The following LINGO2 variants were observed in gnomAD, a reference collection of about 807,000 sequenced individuals.
The protein encoded by LINGO2 is leucine rich repeat and Ig domain containing 2, also known as leucine-rich repeat and immunoglobulin-like domain-containing nogo receptor-interacting protein 2.
A neutral mutation model predicts 30.6 loss-of-function variants in LINGO2; 14 were observed. That is an observed-to-expected ratio of 0.46 (90% CI 0.30 to 0.72). LINGO2 has a LOEUF of 0.72. Ranked by LOEUF, LINGO2 falls within the 30% of genes least tolerant of loss-of-function variation. The pLI, the probability that LINGO2 is intolerant of heterozygous loss-of-function variation, is 0.07. For missense variants in LINGO2, 729 were observed against 751.7 expected (o/e 0.97, Z 0.35); for synonymous variants, 317 against 288.5 (o/e 1.10, Z -1.00).
At chr9:28,526,055 C>CAAAAAAAAAAAAAAAAAAAAAAAA (rs58629857) in intron 1 of LINGO2, among the ~76,000 whole-genome samples, 1 of 48,516 alleles carries the variant, frequency 2.1e-5, no homozygotes, top group African/African-American at 8.2e-5. Context: ...GACTCCGTCT[C>CAAAAAAAAAAAAAAAAAAAAAAAA]AAAAAAAAAA....
At chr9:28,102,542 A>G (rs1419969904) in intron 4 of LINGO2, among the ~76,000 whole-genome samples, 1 of 152,160 alleles carries the variant, frequency 6.6e-6, no homozygotes, top group Non-Finnish European at 1.5e-5. Context: ...TATGTGTTTA[A>G]TTAGTTTCAA....
intron 5 of LINGO2, among the ~76,000 whole-genome samples, chr9:27,983,666 CCATT>C (rs1410015680): frequency 3.3e-5 from 5 of 151,912 alleles, no homozygotes; most frequent in East Asian, 1.9e-4. Context: ...GGTAAAATCA[CCATT>C]CAAAGTTCAT....
chr9:29,073,742 A>C, the LINGO2 span, among the ~76,000 whole-genome samples: 1 of 152,212 alleles, frequency 6.6e-6, no homozygotes, highest in Non-Finnish European at 1.5e-5. Flanking sequence ...ATGGAAGATA[A>C]TTTGTGGTTA....
intron 1 of LINGO2, among the ~76,000 whole-genome samples, chr9:28,518,369 A>C (rs1820706421): frequency 6.6e-6 from 1 of 152,192 alleles, no homozygotes; most frequent in African/African-American, 2.4e-5. Context: ...TGTTCTAAAC[A>C]CTCATGTGTC....
chr9:28,839,740 C>T, the LINGO2 span, among the ~76,000 whole-genome samples: 2 of 152,168 alleles, frequency 1.3e-5, no homozygotes, highest in East Asian at 3.9e-4. Flanking sequence ...CTTTGGTCTG[C>T]GTACGTGGCA....
chr9:28,583,452 AC>A (rs765043453), intron 1 of LINGO2, among the ~76,000 whole-genome samples: 1 of 151,974 alleles, frequency 6.6e-6, no homozygotes, highest in Non-Finnish European at 1.5e-5. Context: ...CTTCAGAAAA[AC>A]ATTTCCCTTT....
intron 1 of LINGO2, among the ~76,000 whole-genome samples, chr9:28,564,483 C>G (rs1047632233): frequency 2.0e-5 from 3 of 152,088 alleles, no homozygotes; most frequent in East Asian, 1.9e-4. Flanking sequence ...TAACCAAGTT[C>G]TTGTCTCCTC....
At chr9:28,725,794 A>C in the LINGO2 span, among the ~76,000 whole-genome samples, 4 of 142,892 alleles carry the variant, frequency 2.8e-5, no homozygotes, top group Admixed American at 2.3e-4. Flanking sequence ...GGAAACTTAA[A>C]AATTAACATT....
chr9:28,285,878 C>T (rs1823490074), intron 4 of LINGO2, among the ~76,000 whole-genome samples: 1 of 152,128 alleles, frequency 6.6e-6, no homozygotes, highest in Admixed American at 6.5e-5. Flanking sequence ...CCCAGTAGTA[C>T]ATACCCAACA....
chr9:29,080,411 T>A, the LINGO2 span, among the ~76,000 whole-genome samples: 1 of 151,924 alleles, frequency 6.6e-6, no homozygotes, highest in Admixed American at 6.6e-5. Context: ...ATTCATTGAT[T>A]TTTTTTTAAG....
downstream of LINGO2, among the ~76,000 whole-genome samples, chr9:27,945,670 A>G (rs1249526013): frequency 1.3e-5 from 2 of 152,168 alleles, no homozygotes; most frequent in Non-Finnish European, 2.9e-5. Context: ...ATGCTCTACC[A>G]TGGTCTAGTT....
Position 28,148,092 on chromosome 9 carries a change from C to T in LINGO2, c.-86-135687G>A, listed in dbSNP as rs1395545021. ...CATGAGGCCTTCCCAGCTGGCCGGG[C>T]TAACCCCGCGGCTCCTGCACCTGTG... On this transcript the variant is annotated intron_variant, in intron 4 of 5. Coordinates refer to ENST00000379992, the Ensembl canonical transcript of LINGO2. This position sits in a 1 kb window ranked among gnomAD's most constrained non-coding sequence, Gnocchi z 5.1. 1.8e-6 allele frequency: 2 copies of T among 1,112,856 alleles called. No homozygotes were observed. Among genetic ancestry groups the T allele is most frequent in the African/African-American group, 3.2e-5 (2 of 62,018 alleles). 68.9% of individuals were successfully genotyped at this position (1,112,856 alleles called of 1,614,324 possible).
In LINGO2 at chr9:28,504,671, T is replaced by A. The variant is rs925271142; in HGVS notation, c.-364-28646A>T. Among the ~76,000 whole-genome samples, 7 of 151,572 alleles carry A rather than the reference T, an allele frequency of 4.6e-5. No individual in the cohort carries two copies. In the South Asian group the frequency reaches 1.0e-3, roughly 22 times the overall value. ...TAAATATTTTTATATATGTATTTTA[T>A]ACCTAATAGATATATTAAAATTTTA... On this transcript the variant is annotated intron_variant, in intron 1 of 5. Transcript: ENST00000379992.
the LINGO2 span, among the ~76,000 whole-genome samples, chr9:28,939,260 A>T: frequency 6.6e-6 from 1 of 151,934 alleles, no homozygotes; most frequent in African/African-American, 2.4e-5. Context: ...CTCTGCTAGG[A>T]CCTCCCTCAA....
chr9:28,794,626 CAT>C, the LINGO2 span, among the ~76,000 whole-genome samples: 1 of 152,032 alleles, frequency 6.6e-6, no homozygotes, highest in African/African-American at 2.4e-5. Context: ...AAATACTAGT[CAT>C]GTGTTCTACG....
At chr9:28,760,786 G>C in the LINGO2 span, among the ~76,000 whole-genome samples, 2 of 151,750 alleles carry the variant, frequency 1.3e-5, no homozygotes, top group Admixed American at 1.3e-4. Context: ...ACTTCACTTA[G>C]AATAACAGTC....
At chr9:29,102,275 G>A in the LINGO2 span, among the ~76,000 whole-genome samples, 1 of 152,088 alleles carries the variant, frequency 6.6e-6, no homozygotes, top group Middle Eastern at 3.4e-3. Context: ...TAGAGATGGG[G>A]TTTCACCGTA....
chr9:28,899,133 A>T, the LINGO2 span, among the ~76,000 whole-genome samples: 1 of 152,210 alleles, frequency 6.6e-6, no homozygotes, highest in Admixed American at 6.5e-5. Flanking sequence ...CAAAAATTTT[A>T]AAAGATGCAT....
chr9:28,988,120 A>G, the LINGO2 span, among the ~76,000 whole-genome samples: 1 of 152,138 alleles, frequency 6.6e-6, no homozygotes, highest in African/African-American at 2.4e-5. Flanking sequence ...CCTTTATTGA[A>G]AAGTTATATT....
Sources: allele counts gnomAD v4.1 joint callset (sites outside exome capture counted in the v4.1 genomes callset), GRCh38; gene constraint gnomAD v4.1.1; non-coding constraint Gnocchi (gnomAD v3.1); transcripts MANE v1.5; gene names NCBI Gene and HGNC (gene_info 2026-07-23, HGNC 2026-07-21).